The following ZNF134 variants were observed in gnomAD, a reference collection of about 807,000 sequenced individuals.
ZNF134 encodes zinc finger protein 134, also known as zinc finger protein 134 (clone pHZ-15).
In ZNF134, 5 loss-of-function variants were observed where a neutral mutation model predicts 2.5. That is an observed-to-expected ratio of 2.03 (90% CI 1.06 to 4.27). The LOEUF (loss-of-function observed/expected upper bound fraction) is 4.27, where lower values mean the gene tolerates loss of function less well. Among genes scored for constraint, ZNF134 ranks in the 30% most tolerant of loss-of-function variants. ZNF134 has a pLI of 0.00. For synonymous variants in ZNF134, 176 were observed against 176.2 expected (o/e 1.00, Z 0.01); for missense variants, 540 against 517.5 (o/e 1.04, Z -0.42).
At chr19:57,619,176 ACCTCT>A (rs1981128659) in intron 1 of ZNF134, among the ~76,000 whole-genome samples, 1 of 151,694 alleles carries the variant, frequency 6.6e-6, no homozygotes, top group Admixed American at 6.6e-5. Flanking sequence ...CACTCATGAC[ACCTCT>A]GGACTCCAGG....
At position 57,620,252 on chromosome 19, in the gene ZNF134, C is replaced by T; in HGVS notation, c.133C>T (p.Pro45Ser). The T allele has an allele frequency of 6.2e-7, 1 of 1,614,160 alleles. No homozygotes were observed. The highest frequency in any genetic ancestry group is 8.5e-7 in the Non-Finnish European group (1 of 1,180,034). The stretch of plus-strand genomic sequence containing the variant: ...TGTTAATACTTCCAAGGCAGGTTTG[C>T]CCGCACAGACGGCTCTCCCTTGTGA... ...SHVNTSKAGL[P>S]AQTALPCDIC... Residue 45 changes from proline (P) to serine (S), a missense_variant, in exon 3 of 3, where the codon CCC (proline) becomes TCC (serine). Coordinates refer to ENST00000396161, the MANE Select transcript of ZNF134 (RefSeq NM_003435.5).
Position 57,623,527 on chromosome 19 carries a change from TTCTC to T in ZNF134, c.*2125_*2128del, listed in dbSNP as rs1208869069. 3.3e-5 allele frequency: 5 copies of T among 152,054 alleles called. No individual in the cohort carries two copies. 9.4% of individuals were successfully genotyped at this position (152,054 alleles called of 1,614,324 possible). On this transcript the variant is annotated 3_prime_UTR_variant, in exon 3 of 3. Coordinates refer to ENST00000396161, the MANE Select transcript of ZNF134 (RefSeq NM_003435.5). The stretch of plus-strand genomic sequence containing the variant: ...ACCTAAGATTTGATGATTTGGGAAA[TTCTC>T]AGCCCATCTTAATTGGAAAAAAAAA...
At chr19:57,619,072 C>T (rs1425578185) in intron 1 of ZNF134, among the ~76,000 whole-genome samples, 1 of 152,160 alleles carries the variant, frequency 6.6e-6, no homozygotes, top group Non-Finnish European at 1.5e-5. Context: ...ACTCCTGCTG[C>T]CCTGAAGCCT....
rs1981202026 is a variant in ZNF134 at position 57,621,070 on chromosome 19, T to C, written c.951T>C (p.Asp317=). 2.5e-6 allele frequency: 4 copies of C among 1,614,024 alleles called. No homozygotes were observed. The highest frequency in any genetic ancestry group is 3.4e-6 in the Non-Finnish European group (4 of 1,179,984). Residue 317 remains aspartate, a synonymous_variant, in exon 3 of 3, where the codon GAT becomes GAC. Transcript: ENST00000396161. ...TTCACACTGGAGAAAATCCTTATGA[T>C]TGCAGTGATTGTGGGAAATCCTTTG... is the stretch of plus-strand genomic sequence containing the variant. The part of the protein sequence containing the change: ...ESIHTGENPY[D]CSDCGKSFGH...
rs1436723717 is a variant in ZNF134, at chr19:57,622,267, A to G, written c.*864A>G. 2.0e-5 allele frequency: 3 copies of G among 152,458 alleles called. No homozygotes were observed. The East Asian group carries it at 5.8e-4, about 29-fold the overall frequency. 9.4% of individuals were successfully genotyped at this position (152,458 alleles called of 1,614,324 possible). A position where few individuals can be genotyped will look rare whatever the true frequency, so the allele number is the denominator to read the frequency against. On this transcript the variant is annotated 3_prime_UTR_variant, in exon 3 of 3. Transcript: ENST00000396161. ...CAGCATGTGTCCCATGTTCCCCAAC[A>G]CTGTTGAGGGAAAGCTGTTCCTCAG...
chr19:57,619,705 G>C, intron 2 of ZNF134, 197 bp downstream of exon 2: 2 of 616,034 alleles, frequency 3.2e-6, no homozygotes, highest in Non-Finnish European at 5.6e-6. Flanking sequence ...CTACCAGAGG[G>C]GCTCTAGTAG....
chr19:57,616,364 T>C (rs1206460592), intron 1 of ZNF134, among the ~76,000 whole-genome samples: 1 of 152,240 alleles, frequency 6.6e-6, no homozygotes. Flanking sequence ...AAGTATTTTA[T>C]TACAATGGAA....
intron 1 of ZNF134, among the ~76,000 whole-genome samples, chr19:57,617,578 A>G (rs1981088034): frequency 6.6e-6 from 1 of 152,190 alleles, no homozygotes; most frequent in Non-Finnish European, 1.5e-5. Context: ...CCATGTTCCA[A>G]AGACACTTGA....
chr19:57,616,608 A>G (rs73062592), intron 1 of ZNF134, among the ~76,000 whole-genome samples: 5,936 of 152,300 alleles, frequency 0.039, 136 homozygotes, highest in South Asian at 0.091. Flanking sequence ...GGTGGGAGCC[A>G]GCACTGAGAT....
rs1981229081 is a variant in ZNF134 at position 57,621,739 on chromosome 19, T to A, written c.*336T>A. On this transcript the variant is annotated 3_prime_UTR_variant, in exon 3 of 3. Coordinates refer to ENST00000396161, the MANE Select transcript of ZNF134 (RefSeq NM_003435.5). ...GTATAGGTATGGATATGACCCATTT[T>A]TAGCCAAGAGGGTCTGAGCTGTATC... 2.4e-6 allele frequency: 1 copy of A among 413,162 alleles called. No individual in the cohort carries two copies. The highest frequency in any genetic ancestry group is 5.5e-5 in the East Asian group (1 of 18,230). The allele number at this position is 413,162 out of a possible 1,614,324, so 25.6% of individuals were successfully genotyped here. A position where few individuals can be genotyped will look rare whatever the true frequency, so the allele number is the denominator to read the frequency against.
Position 57,620,898 on chromosome 19 carries a change from A to G in ZNF134, c.779A>G (p.Tyr260Cys), listed in dbSNP as rs1981194457. 2.5e-6 allele frequency: 4 copies of G among 1,614,138 alleles called. No individual in the cohort carries two copies. The highest frequency in any genetic ancestry group is 1.7e-6 in the Non-Finnish European group (2 of 1,180,042). Residue 260 changes from tyrosine to cysteine, a missense_variant, in exon 3 of 3, where the codon TAT becomes TGT. Coordinates refer to ENST00000396161, the MANE Select transcript of ZNF134 (RefSeq NM_003435.5). ...HKRIHTGEMP[Y>C]KCNECGKYFS... ...AGAATCCACACTGGAGAAATGCCTT[A>G]TAAGTGCAATGAATGTGGGAAATAT...
At position 57,620,316 on chromosome 19, in the gene ZNF134, A is replaced by G. The variant is rs758216138; in HGVS notation, c.197A>G (p.Asp66Gly). 5 of 1,614,080 alleles carry G rather than the reference A, an allele frequency of 3.1e-6. No homozygotes were observed. Among genetic ancestry groups the G allele is most frequent in the African/African-American group, 1.3e-5 (1 of 74,926 alleles). ...GPILKDILHL[D>G]EHQGTHHGLK... ...ATCTTGAAAGATATTTTGCACCTGGATGAACACCAGGGTACACACCATGGA... is the reference window on the plus strand; with the variant it reads ...ATCTTGAAAGATATTTTGCACCTGGGTGAACACCAGGGTACACACCATGGA... The change falls in exon 3 of 3, where the codon GAT (aspartate) becomes GGT (glycine). Residue 66 changes from aspartate (D) to glycine (G), a missense_variant. Transcript: ENST00000396161.
chr19:57,619,297 A>G (rs1981132583), intron 1 of ZNF134, 115 bp from the exon 2 acceptor site: 1 of 826,872 alleles, frequency 1.2e-6, no homozygotes, highest in Non-Finnish European at 2.0e-6. Flanking sequence ...CCTGCAGGAC[A>G]ATTTTCTGAG....
Position 57,620,171 on chromosome 19 carries a change from G to A in ZNF134, c.52G>A (p.Glu18Lys). 3 of 1,611,252 alleles carry A rather than the reference G, an allele frequency of 1.9e-6. No homozygotes were observed. The highest frequency in any genetic ancestry group is 2.5e-6 in the Non-Finnish European group (3 of 1,177,836). The stretch of plus-strand genomic sequence containing the variant: ...TTTTCTGCCTTCAGGTTGTTGGCAT[G>A]AAGTGAAGGATGAAGAGTCATCTTC... ...GAWTGPGCWH[E>K]VKDEESSSEQ... The change falls in exon 3 of 3, where the codon GAA becomes AAA. Residue 18 changes from glutamate (E) to lysine (K), a missense_variant. Glu to Lys is a moderately conservative substitution (Grantham distance 56). Transcript: ENST00000396161.
intron 2 of ZNF134, 31 bp downstream of exon 2, chr19:57,619,539 C>G: frequency 6.3e-7 from 1 of 1,577,332 alleles, no homozygotes; most frequent in Non-Finnish European, 8.6e-7. Flanking sequence ...GCCATAACCT[C>G]AGGGCTGGGT....
At chr19:57,614,524 A>C in intron 1 of ZNF134, 21 bp downstream of exon 1, 1 of 345,906 alleles carries the variant, frequency 2.9e-6, no homozygotes, top group Non-Finnish European at 5.7e-6. Context: ...CCTTTCCCAG[A>C]CTTTCGCCCG....
At chr19:57,620,048 C>G in intron 2 of ZNF134, 112 bp from the exon 3 acceptor site, 1 of 1,256,126 alleles carries the variant, frequency 8.0e-7, no homozygotes, top group Non-Finnish European at 1.1e-6. Context: ...TAGCTCTGTT[C>G]CACCAGGAAA....
intron 1 of ZNF134, among the ~76,000 whole-genome samples, chr19:57,615,973 C>G (rs76729184): frequency 0.052 from 7,965 of 152,268 alleles, 677 homozygotes; most frequent in African/African-American, 0.18. Flanking sequence ...TTTATTATAT[C>G]TTATAGTGTC....
Position 57,621,432 on chromosome 19 carries a change from A to G in ZNF134, c.*29A>G, listed in dbSNP as rs758321267. On this transcript the variant is annotated 3_prime_UTR_variant, in exon 3 of 3. Coordinates refer to ENST00000396161, the MANE Select transcript of ZNF134 (RefSeq NM_003435.5). ...TGCTTTGAATACAACAGGACTCATCAATCAGATGTTGAATTTCATGTATCT... is the reference window on the plus strand; with the variant it reads ...TGCTTTGAATACAACAGGACTCATCGATCAGATGTTGAATTTCATGTATCT... 12 of 1,608,730 alleles carry G rather than the reference A, an allele frequency of 7.5e-6. No homozygotes were observed. Among genetic ancestry groups the G allele is most frequent in the South Asian group, 1.1e-5 (1 of 91,092 alleles).
Sources: allele counts gnomAD v4.1 joint callset (sites outside exome capture counted in the v4.1 genomes callset), GRCh38; gene constraint gnomAD v4.1.1; transcripts MANE v1.5; gene names NCBI Gene and HGNC (gene_info 2026-07-23, HGNC 2026-07-21).